RNF180: variants seen among roughly 807,000 people sequenced by gnomAD.
RNF180 encodes the protein E3 ubiquitin-protein ligase RNF180.
In RNF180, 38 loss-of-function variants were observed where a neutral mutation model predicts 59.2. The observed-to-expected ratio is 0.64, with a 90% confidence interval of 0.50 to 0.84. RNF180 has a LOEUF of 0.84. Ranked by LOEUF, RNF180 falls within the 40% of genes least tolerant of loss-of-function variation. RNF180 has a pLI of 0.00. For synonymous variants in RNF180, 262 were observed against 240.3 expected (o/e 1.09, Z -0.84); for missense variants, 705 against 700.9 (o/e 1.01, Z -0.07).
chr5:64,175,762 C>T (rs1750198992), intron 1 of RNF180, among the ~76,000 whole-genome samples: 1 of 152,094 alleles, frequency 6.6e-6, no homozygotes, highest in South Asian at 2.1e-4. Flanking sequence ...TATATATTTG[C>T]ATCCTCTTCA....
chr5:64,362,969 C>T lies in RNF180; in HGVS notation c.1580-6646C>T, dbSNP rs1197503251. On this transcript the variant is annotated intron_variant, in intron 7 of 7. Transcript: ENST00000389100. ...TGTAAATTTAAGTGCCTTATAGAGGCTGGATATTAGACCTTTGTCAGATGC... is the reference window on the plus strand; with the variant it reads ...TGTAAATTTAAGTGCCTTATAGAGGTTGGATATTAGACCTTTGTCAGATGC... Among the ~76,000 whole-genome samples the T allele has an allele frequency of 2.0e-5, 3 of 149,678 alleles. No individual in the cohort carries two copies. The East Asian group carries it at 6.0e-4, about 30-fold the overall frequency.
At chr5:64,364,896 T>C (rs769552234) in intron 7 of RNF180, among the ~76,000 whole-genome samples, 6 of 151,696 alleles carry the variant, frequency 4.0e-5, no homozygotes, top group Admixed American at 6.6e-5. Flanking sequence ...CTTGTATTTC[T>C]GTGGAGTCAG....
At chr5:64,355,152 G>A (rs1447469109) in intron 7 of RNF180, among the ~76,000 whole-genome samples, 3 of 151,876 alleles carry the variant, frequency 2.0e-5, no homozygotes, top group African/African-American at 4.8e-5. Context: ...GTATTCTGAT[G>A]TCCTAATCCT....
intron 6 of RNF180, among the ~76,000 whole-genome samples, chr5:64,329,392 T>C (rs769536705): frequency 2.0e-5 from 3 of 152,090 alleles, no homozygotes; most frequent in Admixed American, 6.6e-5. Flanking sequence ...CGGAGGATGG[T>C]TTCAGGATGA....
At chr5:64,251,043 T>G (rs1469445499) in intron 5 of RNF180, among the ~76,000 whole-genome samples, 5 of 152,198 alleles carry the variant, frequency 3.3e-5, no homozygotes, top group African/African-American at 9.6e-5. Context: ...GGGAAGCAAG[T>G]GTATTTCAAC....
At chr5:64,316,214 G>C (rs1031408708) in intron 5 of RNF180, among the ~76,000 whole-genome samples, 1 of 152,116 alleles carries the variant, frequency 6.6e-6, no homozygotes, top group Non-Finnish European at 1.5e-5. Flanking sequence ...CCAGCTTTTA[G>C]TATTATTATG....
chr5:64,344,400 T>C (rs1468565128), intron 7 of RNF180, among the ~76,000 whole-genome samples: 1 of 152,118 alleles, frequency 6.6e-6, no homozygotes, highest in African/African-American at 2.4e-5. Context: ...CATAAAACCA[T>C]AAATTTGTAT....
At chr5:64,196,678 A>T (rs902913003) in intron 1 of RNF180, among the ~76,000 whole-genome samples, 7 of 152,062 alleles carry the variant, frequency 4.6e-5, no homozygotes, top group African/African-American at 1.7e-4. Context: ...ATCTATGTTT[A>T]TAAATAGTTT....
At chr5:64,267,049 G>C (rs1368128401) in intron 5 of RNF180, among the ~76,000 whole-genome samples, 2 of 152,114 alleles carry the variant, frequency 1.3e-5, no homozygotes, top group Non-Finnish European at 2.9e-5. Context: ...GCATCAGACT[G>C]TGGTGAGACA....
At chr5:64,191,580 A>T (rs1360214163) in intron 1 of RNF180, among the ~76,000 whole-genome samples, 1 of 152,250 alleles carries the variant, frequency 6.6e-6, no homozygotes, top group Non-Finnish European at 1.5e-5. Flanking sequence ...AGGTCAATGC[A>T]TGAAATACAA....
In RNF180 at chr5:64,354,146, A is replaced by C. The variant is rs534104026; in HGVS notation, c.1580-15469A>C. 9.2e-5 allele frequency among the ~76,000 whole-genome samples: 14 copies of C among 151,820 alleles called. No homozygotes were observed. In the East Asian group the frequency reaches 2.7e-3, roughly 30 times the overall value. On this transcript the variant is annotated intron_variant, in intron 7 of 7. Coordinates refer to ENST00000389100, the MANE Select transcript of RNF180 (RefSeq NM_001113561.2). The stretch of plus-strand genomic sequence containing the variant: ...TAGAATAGGGATTAATGAAATACAG[A>C]ATAGAAAAATAGAATCAACAAAACC...
intron 6 of RNF180, among the ~76,000 whole-genome samples, chr5:64,326,471 T>G (rs1744650123): frequency 6.6e-6 from 1 of 152,156 alleles, no homozygotes; most frequent in Non-Finnish European, 1.5e-5. Flanking sequence ...AGAAATTTTG[T>G]TTTTTGTTTA....
chr5:64,261,474 T>A (rs190955092), intron 5 of RNF180, among the ~76,000 whole-genome samples: 55 of 152,258 alleles, frequency 3.6e-4, no homozygotes, highest in African/African-American at 1.0e-3. Context: ...TTCAAAAAAA[T>A]TTTTTAAGTG....
At chr5:64,308,989 CTCT>C in intron 5 of RNF180, among the ~76,000 whole-genome samples, 1 of 151,710 alleles carries the variant, frequency 6.6e-6, no homozygotes, top group Middle Eastern at 3.4e-3. Flanking sequence ...ATAATTTGCC[CTCT>C]TCTTTTCTCA....
At chr5:64,224,290 G>T (rs982419745) in intron 5 of RNF180, among the ~76,000 whole-genome samples, 1 of 152,136 alleles carries the variant, frequency 6.6e-6, no homozygotes, top group African/African-American at 2.4e-5. Flanking sequence ...TTCAGTGGTT[G>T]CCAGGCCAAC....
Position 64,370,931 on chromosome 5 carries a change from A to G in RNF180, c.*1117A>G, listed in dbSNP as rs911927886. 6.6e-6 allele frequency: 1 copy of G among 151,704 alleles called. No homozygotes were observed. Among genetic ancestry groups the G allele is most frequent in the Non-Finnish European group, 1.5e-5 (1 of 67,748 alleles). 9.4% of individuals were successfully genotyped at this position (151,704 alleles called of 1,614,324 possible). On this transcript the variant is annotated 3_prime_UTR_variant, in exon 8 of 8. Transcript: ENST00000389100. ...ATGATGTCATATATCTGGTAATTCA[A>G]TAAGCAAACTTTTACATAAAATAGG...
intron 5 of RNF180, among the ~76,000 whole-genome samples, chr5:64,261,026 CAAATAGGAAA>C (rs1477760358): frequency 2.0e-5 from 3 of 151,496 alleles, no homozygotes; most frequent in South Asian, 2.1e-4. Flanking sequence ...TTTAATGTTC[CAAATAGGAAA>C]AAACCTAAAG....
intron 5 of RNF180, among the ~76,000 whole-genome samples, chr5:64,256,518 G>T (rs997014561): frequency 1.8e-4 from 27 of 152,130 alleles, no homozygotes; most frequent in African/African-American, 6.5e-4. Context: ...TTGTAGGTGT[G>T]TAGTATTATT....
At chr5:64,268,423 C>CT (rs1355025678) in intron 5 of RNF180, among the ~76,000 whole-genome samples, 1 of 151,998 alleles carries the variant, frequency 6.6e-6, no homozygotes, top group East Asian at 1.9e-4. Flanking sequence ...AAAAGAGATA[C>CT]TTTTTTTCCT....
Sources: allele counts gnomAD v4.1 joint callset (sites outside exome capture counted in the v4.1 genomes callset), GRCh38; gene constraint gnomAD v4.1.1; transcripts MANE v1.5; gene names NCBI Gene and HGNC (gene_info 2026-07-23, HGNC 2026-07-21).